The following PDIA4 variants were observed in gnomAD, a reference collection of about 807,000 sequenced individuals.
PDIA4 encodes protein disulfide-isomerase A4.
In PDIA4, 33 loss-of-function variants were observed where a neutral mutation model predicts 62.1. The observed-to-expected ratio is 0.53, with a 90% CI of 0.40 to 0.71. The LOEUF (loss-of-function observed/expected upper bound fraction) is 0.71, where lower values mean the gene tolerates loss of function less well. Among genes scored for constraint, PDIA4 ranks in the 30% least tolerant of loss-of-function variants. The probability of loss-of-function intolerance (pLI) is 0.00; values close to 1 mark genes in which losing one functional copy is unlikely to be tolerated. For missense variants in PDIA4, 804 were observed against 813.6 expected (o/e 0.99, Z 0.14); for synonymous variants, 341 against 324.1 (o/e 1.05, Z -0.56).
At chr7:149,018,102 G>A (rs1334194886) in intron 3 of PDIA4, among the ~76,000 whole-genome samples, 2 of 151,916 alleles carry the variant, frequency 1.3e-5, no homozygotes, top group African/African-American at 4.8e-5. Context: ...GGTGGCAGGC[G>A]CCTGTAGTCC....
chr7:149,025,585 A>T (rs763844163), intron 1 of PDIA4, among the ~76,000 whole-genome samples: 2 of 152,212 alleles, frequency 1.3e-5, no homozygotes, highest in Non-Finnish European at 2.9e-5. Context: ...TATCTTACAG[A>T]TGAAGAAACT....
At position 149,005,976 on chromosome 7, in the gene PDIA4, T is replaced by G. The variant is rs1055327129; in HGVS notation, c.1209A>C (p.Ser403=). 1 of 1,543,508 alleles carries G rather than the reference T, an allele frequency of 6.5e-7. No individual in the cohort carries two copies. Among genetic ancestry groups the G allele is most frequent in the Middle Eastern group, 1.7e-4 (1 of 5,852 alleles). Residue 403 remains serine (S), a synonymous_variant, in exon 8 of 10, where the codon TCA becomes TCC. Coordinates refer to ENST00000652332, the MANE Select transcript of PDIA4 (RefSeq NM_004911.5). ...GCCTGGTGTAGCGCTTAGCATCGTT[T>G]GACACCTTGCGGTGGCCAACCAGGG... ...ALPLVGHRKV[S]NDAKRYTRRP...
At chr7:149,027,138 T>C (rs941162548) in intron 1 of PDIA4, among the ~76,000 whole-genome samples, 7 of 152,234 alleles carry the variant, frequency 4.6e-5, no homozygotes, top group African/African-American at 1.7e-4. Flanking sequence ...AAGGGAAAAC[T>C]GACTTAAAAC....
Position 149,003,717 on chromosome 7 carries a change from C to T in PDIA4, c.*77G>A, listed in dbSNP as rs1166218194. 1.1e-5 allele frequency: 13 copies of T among 1,148,546 alleles called. No individual in the cohort carries two copies. The highest frequency in any genetic ancestry group is 5.3e-5 in the East Asian group (2 of 37,404). The allele number at this position is 1,148,546 out of a possible 1,614,324, so 71.1% of individuals were successfully genotyped here. ...AATCCGAGATACTGTCGTTTGTTGC[C>T]GGCCTCGGCGTGGACGCCCCGACCA... On this transcript the variant is annotated 3_prime_UTR_variant, in exon 10 of 10. Transcript: ENST00000652332.
intron 4 of PDIA4, 82 bp from the exon 5 acceptor site, chr7:149,012,442 C>A: frequency 8.3e-7 from 1 of 1,199,882 alleles, no homozygotes. Flanking sequence ...GAAACCCATC[C>A]TGTGCTCCCT....
At chr7:149,020,632 T>C (rs1379885352) in intron 2 of PDIA4, among the ~76,000 whole-genome samples, 1 of 152,132 alleles carries the variant, frequency 6.6e-6, no homozygotes, top group Non-Finnish European at 1.5e-5. Context: ...CGGAGCAGAA[T>C]CTATAACAAG....
chr7:149,008,349 GC>G, intron 6 of PDIA4, 39 bp from the exon 7 acceptor site: 3 of 1,587,996 alleles, frequency 1.9e-6, no homozygotes, highest in Non-Finnish European at 2.6e-6. Flanking sequence ...TTTGAAAATT[GC>G]CTAAATGTCT....
In PDIA4 at chr7:149,020,039, C is replaced by T. The variant is rs193160003; in HGVS notation, c.270-842G>A. 2.7e-3 allele frequency among the ~76,000 whole-genome samples: 418 copies of T among 152,282 alleles called. 2 individuals are homozygous for T. The highest frequency in any genetic ancestry group is 9.6e-3 in the African/African-American group (399 of 41,570). Reference sequence around the variant, plus strand: ...GCAGTGGCACAATTTCAGCTAGTTGCAGCCTCCCCCTCCTAGGTTGAAGCA... The same window carrying T: ...GCAGTGGCACAATTTCAGCTAGTTGTAGCCTCCCCCTCCTAGGTTGAAGCA... On this transcript the variant is annotated intron_variant, in intron 2 of 9. Transcript: ENST00000652332.
At chr7:149,011,696 A>C (rs1823949882) in intron 6 of PDIA4, 150 bp downstream of exon 6, 5 of 611,992 alleles carry the variant, frequency 8.2e-6, no homozygotes, top group Non-Finnish European at 1.1e-5. Flanking sequence ...CCCCAGCCCC[A>C]ACTCCAACCC....
intron 4 of PDIA4, among the ~76,000 whole-genome samples, 153 bp from the exon 5 acceptor site, chr7:149,012,513 G>A (rs1464392494): frequency 3.3e-5 from 5 of 152,272 alleles, no homozygotes; most frequent in South Asian, 2.1e-4. Context: ...GCCCTCAGGT[G>A]CTGTTGAGGG....
At chr7:149,008,461 G>T in intron 6 of PDIA4, 151 bp from the exon 7 acceptor site, 1 of 720,406 alleles carries the variant, frequency 1.4e-6, no homozygotes, top group Non-Finnish European at 2.3e-6. Context: ...AGCACACTTT[G>T]GGAAGCCCAG....
chr7:149,019,766 A>T (rs1008617268), intron 2 of PDIA4, among the ~76,000 whole-genome samples: 2 of 152,230 alleles, frequency 1.3e-5, no homozygotes, highest in Non-Finnish European at 2.9e-5. Flanking sequence ...ATCAGAGATC[A>T]TGCCATTGCA....
chr7:149,027,087 C>T (rs1219395624), intron 1 of PDIA4, among the ~76,000 whole-genome samples: 1 of 152,198 alleles, frequency 6.6e-6, no homozygotes, highest in Non-Finnish European at 1.5e-5. Context: ...CACACTGGTC[C>T]TCAACTTTCA....
intron 3 of PDIA4, among the ~76,000 whole-genome samples, chr7:149,018,264 C>T (rs1824214682): frequency 6.6e-6 from 1 of 151,964 alleles, no homozygotes; most frequent in Non-Finnish European, 1.5e-5. Flanking sequence ...AATTATCTGG[C>T]CTGACTTGTA....
chr7:149,006,723 G>A (rs1585412172), intron 7 of PDIA4, among the ~76,000 whole-genome samples: 1 of 152,346 alleles, frequency 6.6e-6, no homozygotes, highest in Non-Finnish European at 1.5e-5. Flanking sequence ...TGACAGCACT[G>A]GAGGGTGGGA....
rs1307576061 is a variant in PDIA4 at position 149,004,091 on chromosome 7, G to A, written c.1641C>T (p.Leu547=). 2.5e-6 allele frequency: 4 copies of A among 1,614,138 alleles called. No homozygotes were observed. The highest frequency in any genetic ancestry group is 2.7e-5 in the African/African-American group (2 of 75,022). The part of the protein sequence containing the change: ...SIVMDPKKDV[L]IEFYAPWCGH... ...CGCACCATGGCGCGTAGAACTCGATGAGGACGTCCTTCTTGGGGTCCATCA... is the reference window on the plus strand; with the variant it reads ...CGCACCATGGCGCGTAGAACTCGATAAGGACGTCCTTCTTGGGGTCCATCA... Residue 547 remains leucine, a synonymous_variant, in exon 10 of 10, where the codon CTC becomes CTT. Coordinates refer to ENST00000652332, the MANE Select transcript of PDIA4 (RefSeq NM_004911.5).
At position 149,003,127 on chromosome 7, in the gene PDIA4, G is replaced by C. The variant is rs1823599740; in HGVS notation, c.*667C>G. On this transcript the variant is annotated 3_prime_UTR_variant, in exon 10 of 10. Coordinates refer to ENST00000652332, the MANE Select transcript of PDIA4 (RefSeq NM_004911.5). ...ACTCTACCTTTTCTACCACCCCGCA[G>C]TATCTGCCTCTGGGTCCAGGGTCCT... 1.2e-5 allele frequency: 2 copies of C among 169,364 alleles called. No individual in the cohort carries two copies. Among genetic ancestry groups the C allele is most frequent in the Admixed American group, 6.5e-5 (1 of 15,292 alleles). 10.5% of individuals were successfully genotyped at this position (169,364 alleles called of 1,614,324 possible).
Position 149,003,976 on chromosome 7 carries a change from T to C in PDIA4, c.1756A>G (p.Thr586Ala). 6.2e-7 allele frequency: 1 copy of C among 1,613,356 alleles called. No individual in the cohort carries two copies. Among genetic ancestry groups the C allele is most frequent in the Non-Finnish European group, 8.5e-7 (1 of 1,179,356 alleles). The change falls in exon 10 of 10, where the codon ACT (threonine) becomes GCT (alanine). Residue 586 changes from threonine (T) to alanine (A), a missense_variant. Physicochemically the swap from Thr to Ala is moderately conservative, Grantham distance 58. Coordinates refer to ENST00000652332, the MANE Select transcript of PDIA4 (RefSeq NM_004911.5). ...CGGTCGCTGGGGACGTCGTTGGCAG[T>C]GGCGTCCATCTTGGCGATGACCAGG... ...KGLVIAKMDA[T>A]ANDVPSDRYK... is the part of the protein sequence containing the mutation.
At chr7:149,023,723 A>G (rs1824436955) in intron 1 of PDIA4, among the ~76,000 whole-genome samples, 1 of 152,194 alleles carries the variant, frequency 6.6e-6, no homozygotes, top group Non-Finnish European at 1.5e-5. Context: ...GGCTCGGTGC[A>G]CAGCATAAGA....
Sources: allele counts gnomAD v4.1 joint callset (sites outside exome capture counted in the v4.1 genomes callset), GRCh38; gene constraint gnomAD v4.1.1; transcripts MANE v1.5; gene names NCBI Gene and HGNC (gene_info 2026-07-23, HGNC 2026-07-21).